Variants in DNAAF9 observed in about 807,000 individuals in gnomAD.
DNAAF9 encodes shulin.
In DNAAF9, 90 loss-of-function variants were observed where a neutral mutation model predicts 167.0. That is an observed-to-expected ratio of 0.54 (90% CI 0.45 to 0.64). The LOEUF is 0.64. Ranked by LOEUF, DNAAF9 falls within the 30% of genes least tolerant of loss-of-function variation. The pLI, the probability that DNAAF9 is intolerant of heterozygous loss-of-function variation, is 0.00. For missense variants in DNAAF9, 1,315 were observed against 1,442.2 expected (o/e 0.91, Z 1.43); for synonymous variants, 491 against 508.8 (o/e 0.96, Z 0.47).
chr20:3,336,049 G>A (rs1331478447), intron 10 of DNAAF9, among the ~76,000 whole-genome samples: 2 of 152,112 alleles, frequency 1.3e-5, no homozygotes, highest in Non-Finnish European at 2.9e-5. Context: ...CTTGAACCCA[G>A]GAGGCGGAGA....
rs760024713 is a variant in DNAAF9 at position 3,270,429 on chromosome 20, G to C, written c.2784C>G (p.Thr928=). 1 of 1,613,476 alleles carries C rather than the reference G, an allele frequency of 6.2e-7. No homozygotes were observed. Among genetic ancestry groups the C allele is most frequent in the Non-Finnish European group, 8.5e-7 (1 of 1,179,508 alleles). Residue 928 remains threonine, a splice_region_variant and synonymous_variant, in exon 30 of 37, where the codon ACC becomes ACG. Transcript: ENST00000252032. ...AFILAENGIV[T]RNEDIELILS... ...TGCAGAGTGAATCTATAGATTACCT[G>C]GTGACAATCCCATTTTCTGCAAGAA...
intron 3 of DNAAF9, among the ~76,000 whole-genome samples, chr20:3,376,846 C>T (rs1220891647): frequency 2.6e-5 from 4 of 152,120 alleles, no homozygotes; most frequent in Non-Finnish European, 4.4e-5. Context: ...GGATGGATCA[C>T]GAGGTCAGGA....
At chr20:3,359,094 T>C (rs1301059541) in intron 7 of DNAAF9, among the ~76,000 whole-genome samples, 2 of 152,230 alleles carry the variant, frequency 1.3e-5, no homozygotes, top group Admixed American at 6.5e-5. Flanking sequence ...AAGGCTAAAA[T>C]ATCACTAACT....
intron 4 of DNAAF9, among the ~76,000 whole-genome samples, 197 bp downstream of exon 4, chr20:3,375,981 C>T (rs911610196): frequency 5.9e-5 from 9 of 152,182 alleles, no homozygotes; most frequent in Non-Finnish European, 1.2e-4. Context: ...GAACAGCCTC[C>T]TTTTGTCTCC....
chr20:3,382,140 T>TCTCAGAGTATGG (rs2083662417), intron 2 of DNAAF9, among the ~76,000 whole-genome samples: 1 of 152,134 alleles, frequency 6.6e-6, no homozygotes, highest in African/African-American at 2.4e-5. Flanking sequence ...GTCTGTGAAG[T>TCTCAGAGTATGG]CTCAGAGTAT....
chr20:3,267,545 A>G (rs1244362927), intron 30 of DNAAF9, among the ~76,000 whole-genome samples: 4 of 142,092 alleles, frequency 2.8e-5, no homozygotes, highest in Non-Finnish European at 6.2e-5. Context: ...ATTTTTAAAA[A>G]TAATGAATTT....
intron 6 of DNAAF9, among the ~76,000 whole-genome samples, chr20:3,373,557 T>C (rs1005228654): frequency 1.3e-5 from 2 of 152,254 alleles, no homozygotes; most frequent in Admixed American, 1.3e-4. Context: ...CTCTAGTACA[T>C]TGTACTTATC....
rs375285866 is a variant in DNAAF9 at position 3,260,411 on chromosome 20, A to G, written c.2874-383T>C. Among the ~76,000 whole-genome samples the G allele has an allele frequency of 2.6e-5, 4 of 152,208 alleles. No individual in the cohort carries two copies. In the East Asian group the frequency reaches 5.8e-4, roughly 22 times the overall value. On this transcript the variant is annotated intron_variant, in intron 31 of 36. Coordinates refer to ENST00000252032, the MANE Select transcript of DNAAF9 (RefSeq NM_001009984.3). ...TACATCTATGCCATTTTGCACACAA[A>G]AACTTGTTTAAATATGTATATGCCT...
chr20:3,290,179 G>GT lies in DNAAF9; in HGVS notation c.2276dup (p.His759GlnfsTer3), dbSNP rs1568581537. 1 of 1,613,216 alleles carries GT rather than the reference G, an allele frequency of 6.2e-7. No homozygotes were observed. The highest frequency in any genetic ancestry group is 1.7e-5 in the Admixed American group (1 of 60,024). On this transcript the variant is annotated frameshift_variant, in exon 26 of 37. Coordinates refer to ENST00000252032, the MANE Select transcript of DNAAF9 (RefSeq NM_001009984.3). LOFTEE classifies it high-confidence loss of function. ...CCAGAAAAGCACAGAGCTCGCTAGC[G>GT]TGACAGCCTGGGAGGCCGGTTACAA...
At chr20:3,376,408 G>T in intron 3 of DNAAF9, 106 bp from the exon 4 acceptor site, 3 of 894,380 alleles carry the variant, frequency 3.4e-6, no homozygotes, top group South Asian at 1.9e-5. Flanking sequence ...CAGAGACAAT[G>T]TAACAAAACT....
intron 8 of DNAAF9, among the ~76,000 whole-genome samples, chr20:3,347,946 G>T (rs1187681584): frequency 2.0e-5 from 3 of 152,010 alleles, no homozygotes; most frequent in Non-Finnish European, 4.4e-5. Flanking sequence ...TAACAACAAA[G>T]ATCAATTCCA....
chr20:3,323,713 G>A (rs981442394), intron 14 of DNAAF9, among the ~76,000 whole-genome samples: 1 of 152,120 alleles, frequency 6.6e-6, no homozygotes, highest in Non-Finnish European at 1.5e-5. Context: ...CCTAGGCCTA[G>A]GAGGCCTTGG....
At chr20:3,295,511 T>C in intron 23 of DNAAF9, 1 of 291,736 alleles carries the variant, frequency 3.4e-6, no homozygotes, top group Non-Finnish European at 6.7e-6. Flanking sequence ...CCCAAACACA[T>C]TTTCTTGCTG....
intron 20 of DNAAF9, among the ~76,000 whole-genome samples, chr20:3,305,984 T>G (rs1050963343): frequency 6.6e-6 from 1 of 152,190 alleles, no homozygotes. Flanking sequence ...AGTTCCTCCA[T>G]GCTGCTCCCA....
At chr20:3,349,980 C>T (rs1600835821) in intron 7 of DNAAF9, among the ~76,000 whole-genome samples, 1 of 152,076 alleles carries the variant, frequency 6.6e-6, no homozygotes, top group South Asian at 2.1e-4. Flanking sequence ...CAGATCTACG[C>T]CCTCCTCCTC....
At chr20:3,341,781 T>C (rs761644812) in intron 9 of DNAAF9, among the ~76,000 whole-genome samples, 16 of 152,122 alleles carry the variant, frequency 1.1e-4, no homozygotes, top group Non-Finnish European at 2.1e-4. Context: ...TGATAATATA[T>C]ATACATATTT....
At chr20:3,273,635 C>T (rs2068630542) in intron 29 of DNAAF9, among the ~76,000 whole-genome samples, 1 of 152,084 alleles carries the variant, frequency 6.6e-6, no homozygotes, top group African/African-American at 2.4e-5. Context: ...ATCACAAGGA[C>T]AGCACCAAGC....
At chr20:3,329,722 A>G (rs1312431999) in intron 12 of DNAAF9, among the ~76,000 whole-genome samples, 2 of 152,082 alleles carry the variant, frequency 1.3e-5, no homozygotes, top group African/African-American at 4.8e-5. Context: ...GTGTTGATCT[A>G]GACCCCACCA....
At chr20:3,358,552 C>T (rs6051785) in intron 7 of DNAAF9, among the ~76,000 whole-genome samples, 38,084 of 152,082 alleles carry the variant, frequency 0.25, 5,367 homozygotes, top group African/African-American at 0.37. Flanking sequence ...CTCACACCTG[C>T]TGGGATAACA....
Sources: allele counts gnomAD v4.1 joint callset (sites outside exome capture counted in the v4.1 genomes callset), GRCh38; gene constraint gnomAD v4.1.1; transcripts MANE v1.5; gene names NCBI Gene and HGNC (gene_info 2026-07-23, HGNC 2026-07-21).